Variants in RHPN1 observed in about 807,000 individuals in gnomAD.
RHPN1 encodes the protein rhophilin-1.
A neutral mutation model predicts 74.7 loss-of-function variants in RHPN1; 77 were observed. The ratio of observed to expected loss-of-function variants is 1.03; its 90% CI spans 0.86 to 1.25. The LOEUF is 1.25. Among genes scored for constraint, RHPN1 ranks in the 50% most tolerant of loss-of-function variants. The pLI, the probability that RHPN1 is intolerant of heterozygous loss-of-function variation, is 0.00. For synonymous variants in RHPN1, 444 were observed against 414.5 expected, an observed-to-expected ratio of 1.07 and a Z score of -0.87; for missense variants, 987 against 932.2, an observed-to-expected ratio of 1.06 and a Z score of -0.77.
At chr8:143,379,177 T>C (rs1484833268) in intron 7 of RHPN1, 99 bp downstream of exon 7, 3 of 1,394,228 alleles carry the variant, frequency 2.2e-6, no homozygotes, top group East Asian at 2.5e-5. Context: ...AGGACATCAG[T>C]CCCTCAGGTA....
At chr8:143,375,754 C>T (rs889752191) in intron 2 of RHPN1, 86 bp downstream of exon 2, 70 of 982,516 alleles carry the variant, frequency 7.1e-5, no homozygotes, top group Non-Finnish European at 1.0e-4. Flanking sequence ...ATGTCTGCCC[C>T]ATGGCCGGGT....
In RHPN1 at chr8:143,374,256, T is replaced by G. The variant is rs1230785824; in HGVS notation, c.61-1297T>G. 58 of 985,456 alleles carry G rather than the reference T, an allele frequency of 5.9e-5. 1 individual carries two copies. Among genetic ancestry groups the G allele is most frequent in the Non-Finnish European group, 4.8e-6 (4 of 829,932 alleles). The allele number at this position is 985,456 out of a possible 1,614,324, so 61.0% of individuals were successfully genotyped here. Reference sequence around the variant, plus strand: ...CACAGAGGGGAAGACCCAGTGCGTGTGCACGTTGGCCCCATGAATCCGCAG... The same window carrying G: ...CACAGAGGGGAAGACCCAGTGCGTGGGCACGTTGGCCCCATGAATCCGCAG... On this transcript the variant is annotated intron_variant, in intron 1 of 14. Coordinates refer to ENST00000289013, the MANE Select transcript of RHPN1 (RefSeq NM_052924.3).
At chr8:143,379,145 G>T in intron 7 of RHPN1, 67 bp downstream of exon 7, 2 of 1,433,650 alleles carry the variant, frequency 1.4e-6, no homozygotes, top group Non-Finnish European at 9.1e-7. Context: ...CCCTTTTGCA[G>T]GGCAGGAGCT....
chr8:143,366,549 GCACGCA>G (rs1163803809), upstream of RHPN1: 1 of 149,452 alleles, frequency 6.7e-6, no homozygotes, highest in East Asian at 2.0e-4. Flanking sequence ...ACGCACATAT[GCACGCA>G]CACACACGCA....
upstream of RHPN1, chr8:143,367,242 AC>A (rs1308558141): frequency 1.3e-5 from 2 of 151,806 alleles, no homozygotes; most frequent in African/African-American, 4.8e-5. Flanking sequence ...GTAATCCAGC[AC>A]TTTTGGGAGG....
At chr8:143,367,508 G>A (rs1425237602), upstream of RHPN1, 1 of 152,302 alleles carries the variant, frequency 6.6e-6, no homozygotes, top group East Asian at 1.9e-4. Flanking sequence ...AAGGCCAGGA[G>A]TGGAAGACAG....
chr8:143,365,257 A>G (rs1817543591), upstream of RHPN1, among the ~76,000 whole-genome samples: 1 of 152,148 alleles, frequency 6.6e-6, no homozygotes, highest in Non-Finnish European at 1.5e-5. Context: ...GCATCAAATC[A>G]TCAACTTTTA....
At chr8:143,382,334 C>A in intron 14 of RHPN1, 102 bp from the exon 15 acceptor site, 2 of 1,033,556 alleles carry the variant, frequency 1.9e-6, no homozygotes, top group African/African-American at 1.6e-5. Context: ...AAGCCCCCGA[C>A]GTGCCAGCCC....
Position 143,379,464 on chromosome 8 carries a change from C to T in RHPN1, c.901C>T (p.Gln301Ter), listed in dbSNP as rs1001752756. 9 of 1,570,228 alleles carry T rather than the reference C, an allele frequency of 5.7e-6. No homozygotes were observed. Among genetic ancestry groups the T allele is most frequent in the Non-Finnish European group, 6.9e-6 (8 of 1,158,234 alleles). The change falls in exon 8 of 15, where the codon CAA becomes TAA. Residue 301 changes from glutamine (Q) to a stop codon, truncating the protein, a stop_gained. Transcript: ENST00000289013. LOFTEE classifies it high-confidence loss of function. ...CTCACCACCTGCCTCCATGGCCCCC[C>T]AAGACTGCCTGGCCCAGCTGCGCCT... ...GLSPPASMAP[Q>*]DCLAQLRLAQ...
chr8:143,379,542 G>T (rs926168047), intron 8 of RHPN1, 34 bp downstream of exon 8: 9 of 1,516,192 alleles, frequency 5.9e-6, no homozygotes, highest in East Asian at 4.9e-5. Flanking sequence ...GATGCAGGGG[G>T]TGGGGCCGAG....
intron 1 of RHPN1, 61 bp downstream of exon 1, chr8:143,369,108 C>A: frequency 7.6e-7 from 1 of 1,317,610 alleles, no homozygotes; most frequent in Non-Finnish European, 9.9e-7. Flanking sequence ...TTTCCTGCCC[C>A]CCCTCGAGGC....
At chr8:143,381,383 A>G (rs561988453) in intron 12 of RHPN1, 39 bp downstream of exon 12, 2 of 1,566,620 alleles carry the variant, frequency 1.3e-6, no homozygotes, top group African/African-American at 2.7e-5. Flanking sequence ...CAGCATGGGC[A>G]GCTTGGGCTG....
At chr8:143,380,823 C>G in intron 11 of RHPN1, 40 bp downstream of exon 11, 2 of 1,467,726 alleles carry the variant, frequency 1.4e-6, no homozygotes, top group Non-Finnish European at 1.8e-6. Context: ...GCATCCCTGG[C>G]CAGGGTGGGG....
At chr8:143,380,864 G>A in intron 11 of RHPN1, 81 bp downstream of exon 11, 1 of 1,147,754 alleles carries the variant, frequency 8.7e-7, no homozygotes, top group Non-Finnish European at 1.2e-6. Context: ...GAGGCTGATT[G>A]CATTAAAGAT....
At chr8:143,364,996 T>C (rs1817541642), upstream of RHPN1, among the ~76,000 whole-genome samples, 1 of 152,132 alleles carries the variant, frequency 6.6e-6, no homozygotes, top group African/African-American at 2.4e-5. This position sits in a 1 kb window ranked among gnomAD's most constrained non-coding sequence, Gnocchi z 4.5. Context: ...CTTGCAGTTA[T>C]TTATCCTTGA....
chr8:143,369,050 G>C lies in RHPN1; in HGVS notation c.60+3G>C. The C allele has an allele frequency of 6.7e-7, 1 of 1,485,038 alleles. No individual in the cohort carries two copies. The highest frequency in any genetic ancestry group is 8.9e-7 in the Non-Finnish European group (1 of 1,124,896). 92.0% of individuals were successfully genotyped at this position (1,485,038 alleles called of 1,614,324 possible). ...GCGAGGAGAGCCCGCGGCTGCAGGT[G>C]CGCAGAACTGGCGCGGCGGCGGGAG... On this transcript the variant is annotated splice_donor_region_variant and intron_variant, in intron 1 of 14. Coordinates refer to ENST00000289013, the MANE Select transcript of RHPN1 (RefSeq NM_052924.3).
chr8:143,366,632 A>T (rs550664243), upstream of RHPN1: 69 of 152,316 alleles, frequency 4.5e-4, no homozygotes, highest in African/African-American at 1.7e-3. Context: ...CTCAATAAAT[A>T]AATAAAGAAA....
At chr8:143,380,332 C>T (rs748598971) in intron 10 of RHPN1, 157 bp downstream of exon 10, 77 of 686,532 alleles carry the variant, frequency 1.1e-4, no homozygotes, top group Non-Finnish European at 1.7e-4. Context: ...TGATGGGTGA[C>T]GGCCCAGCGC....
At chr8:143,379,154 C>G in intron 7 of RHPN1, 76 bp downstream of exon 7, 1 of 1,422,528 alleles carries the variant, frequency 7.0e-7, no homozygotes, top group South Asian at 1.5e-5. Flanking sequence ...AGGGCAGGAG[C>G]TGGGGAGTGG....
Sources: gnomAD v4.1 joint callset for allele counts (sites outside exome capture counted in the v4.1 genomes callset) on GRCh38, gnomAD v4.1.1 for gene constraint, Gnocchi (gnomAD v3.1) non-coding constraint, MANE v1.5 for transcripts, NCBI Gene and HGNC (gene_info 2026-07-23, HGNC 2026-07-21) for gene names.